The following F8 variants were observed in gnomAD, a reference collection of about 807,000 sequenced individuals.
The protein encoded by F8 is coagulation factor VIII, also known as antihemophilic factor.
A neutral mutation model predicts 140.6 loss-of-function variants in F8; 12 were observed. That is an observed-to-expected ratio of 0.09 (90% confidence interval 0.05 to 0.14). The LOEUF (loss-of-function observed/expected upper bound fraction) is 0.14, where lower values mean the gene tolerates loss of function less well. Ranked by LOEUF, F8 falls within the 10% of genes least tolerant of loss-of-function variation. The pLI is 1.00. For missense variants in F8, 1,354 were observed against 1,720.7 expected (o/e 0.79, Z 3.77); for synonymous variants, 585 against 614.6 (o/e 0.95, Z 0.71).
At chrX:154,914,984 A>C (rs1557276987) in intron 14 of F8, among the ~76,000 whole-genome samples, 1 of 111,996 alleles carries the variant, frequency 8.9e-6, no homozygotes, top group African/African-American at 3.3e-5. Flanking sequence ...TGGGTAATCT[A>C]TAAAGGAAAG....
intron 14 of F8, among the ~76,000 whole-genome samples, chrX:154,914,535 C>G (rs1470718998): frequency 8.9e-6 from 1 of 112,101 alleles, no homozygotes; most frequent in Non-Finnish European, 1.9e-5. Context: ...TCATCTCTCT[C>G]AAGTTCAAAG....
At chrX:154,855,061 A>G (rs1324343317) in intron 25 of F8, among the ~76,000 whole-genome samples, 1 of 111,764 alleles carries the variant, frequency 8.9e-6, no homozygotes, top group Non-Finnish European at 1.9e-5. Flanking sequence ...TGGAGGTTGC[A>G]GTGAGCTGAG....
chrX:154,906,672 C>T, intron 14 of F8, 99 bp from the exon 15 acceptor site: 1 of 748,513 alleles, frequency 1.3e-6, no homozygotes, highest in Non-Finnish European at 2.0e-6. Context: ...AAGCATTTTG[C>T]ATAGTTAACC....
At chrX:154,856,721 G>A (rs2072654087) in intron 25 of F8, among the ~76,000 whole-genome samples, 1 of 112,005 alleles carries the variant, frequency 8.9e-6, no homozygotes, top group South Asian at 3.7e-4. Context: ...CTGGTACACT[G>A]CCAAGAATAC....
intron 24 of F8, 116 bp downstream of exon 24, chrX:154,861,602 C>CT: frequency 1.1e-6 from 1 of 951,670 alleles, no homozygotes. Flanking sequence ...CCTTGACACA[C>CT]TTTTTAGAAC....
At position 154,892,666 on chromosome X, in the gene F8, G is replaced by A. The variant is rs1448788982; in HGVS notation, c.6429+3411C>T. 5.3e-5 allele frequency among the ~76,000 whole-genome samples: 6 copies of A among 112,155 alleles called. 1 individual carries two copies. The highest frequency in any genetic ancestry group is 1.9e-5 in the Non-Finnish European group (1 of 53,213). On this transcript the variant is annotated intron_variant, in intron 22 of 25. Coordinates refer to ENST00000360256, the MANE Select transcript of F8 (RefSeq NM_000132.4). ...GAAACAAGGGATCCAGCAAGGAACA[G>A]AAAACATGGAAATTAGGATAATTTG... is the stretch of plus-strand genomic sequence containing the variant.
At chrX:154,981,438 GC>G (rs1209130543) in intron 6 of F8, among the ~76,000 whole-genome samples, 1 of 107,963 alleles carries the variant, frequency 9.3e-6, no homozygotes, top group Non-Finnish European at 1.9e-5. Flanking sequence ...GACAATAGAA[GC>G]CCAAACCCCT....
chrX:155,012,326 T>C (rs1488503598), intron 1 of F8, among the ~76,000 whole-genome samples: 4 of 112,252 alleles, frequency 3.6e-5, no homozygotes, highest in Non-Finnish European at 5.6e-5. Context: ...TTTTCTTTTT[T>C]TGAGACAGAG....
chrX:154,909,084 G>T, intron 14 of F8: 1 of 284,112 alleles, frequency 3.5e-6, no homozygotes, highest in South Asian at 4.0e-5. Context: ...AAACATCTTT[G>T]ACAGACACAT....
chrX:154,944,972 G>A (rs1557280182), intron 13 of F8, among the ~76,000 whole-genome samples: 2 of 109,977 alleles, frequency 1.8e-5, no homozygotes, highest in Non-Finnish European at 1.9e-5. Flanking sequence ...TGAACAATGA[G>A]AACACATGGA....
chrX:154,874,035 C>T (rs2072794179), intron 22 of F8, among the ~76,000 whole-genome samples: 1 of 112,314 alleles, frequency 8.9e-6, no homozygotes, highest in Admixed American at 9.4e-5. Context: ...AAGAAATAAT[C>T]AACAGAGTGA....
intron 1 of F8, among the ~76,000 whole-genome samples, chrX:155,008,691 C>A (rs1479280595): frequency 2.7e-5 from 3 of 110,260 alleles, no homozygotes; most frequent in East Asian, 2.9e-4. Flanking sequence ...CCTGTGGGGG[C>A]CACGCACCTT....
chrX:154,962,268 C>T (rs1440593498), intron 9 of F8, among the ~76,000 whole-genome samples: 1 of 112,072 alleles, frequency 8.9e-6, no homozygotes, highest in Non-Finnish European at 1.9e-5. Context: ...CTTCAGTTGA[C>T]AATGTAGAGG....
intron 12 of F8, among the ~76,000 whole-genome samples, chrX:154,953,558 T>C (rs187669513): frequency 2.0e-3 from 225 of 112,026 alleles, no homozygotes; most frequent in African/African-American, 6.9e-3. Flanking sequence ...TGTATGTATG[T>C]GTTTATATAT....
At chrX:154,875,958 C>T (rs2072809226) in intron 22 of F8, among the ~76,000 whole-genome samples, 2 of 110,144 alleles carry the variant, frequency 1.8e-5, no homozygotes, top group Non-Finnish European at 3.8e-5. Context: ...AATGCCAATT[C>T]GAAAGGCCTA....
chrX:154,877,642 G>A (rs2072827769), intron 22 of F8, among the ~76,000 whole-genome samples: 1 of 111,147 alleles, frequency 9.0e-6, no homozygotes, highest in Middle Eastern at 4.6e-3. Context: ...ACAGGCGACC[G>A]AAAAAGGATC....
At chrX:154,914,956 T>C (rs1002735410) in intron 14 of F8, among the ~76,000 whole-genome samples, 17 of 111,793 alleles carry the variant, frequency 1.5e-4, no homozygotes, top group African/African-American at 5.5e-4. Context: ...CATACTGCTA[T>C]AAAGAACTGC....
intron 13 of F8, among the ~76,000 whole-genome samples, chrX:154,944,656 C>T (rs1342691069): frequency 1.8e-5 from 2 of 111,064 alleles, no homozygotes; most frequent in South Asian, 7.8e-4. Flanking sequence ...TTGACCCAGC[C>T]ATCCCATTAC....
At chrX:154,975,311 C>T (rs782302893) in intron 6 of F8, among the ~76,000 whole-genome samples, 1 of 111,807 alleles carries the variant, frequency 8.9e-6, no homozygotes, top group South Asian at 3.7e-4. Context: ...TTTTTAACTT[C>T]TCCTTTAATT....
Sources: gnomAD v4.1 joint callset for allele counts (sites outside exome capture counted in the v4.1 genomes callset) on GRCh38, gnomAD v4.1.1 for gene constraint, MANE v1.5 for transcripts, NCBI Gene and HGNC (gene_info 2026-07-23, HGNC 2026-07-21) for gene names.